Variants in PEX5L observed in about 807,000 individuals in gnomAD.
PEX5L encodes the protein peroxisomal biogenesis factor 5 like.
Under a neutral mutation model 84.0 loss-of-function variants are expected in PEX5L, and 30 were observed. That is an observed-to-expected ratio of 0.36 (90% CI 0.27 to 0.48). PEX5L has a LOEUF of 0.48. Ranked by LOEUF, PEX5L falls within the 20% of genes least tolerant of loss-of-function variation. PEX5L has a pLI of 0.99. For missense variants in PEX5L, 533 were observed against 754.6 expected (o/e 0.71, Z 3.44); for synonymous variants, 270 against 283.1 (o/e 0.95, Z 0.46).
chr3:180,023,769 CACAGAGAGAGAG>C (rs112190642), intron 1 of PEX5L, among the ~76,000 whole-genome samples: 2,480 of 149,406 alleles, frequency 0.017, 99 homozygotes, highest in African/African-American at 0.06. Flanking sequence ...CACGCACACA[CACAGAGAGAGAG>C]AGAGAGAGAG....
In PEX5L at chr3:179,875,440, C is replaced by G; in HGVS notation, c.543G>C (p.Lys181Asn). 6.2e-7 allele frequency: 1 copy of G among 1,607,092 alleles called. No homozygotes were observed. The highest frequency in any genetic ancestry group is 8.5e-7 in the Non-Finnish European group (1 of 1,176,092). The change falls in exon 6 of 15, where the codon AAG becomes AAC. Residue 181 changes from lysine to asparagine, a missense_variant. This residue lies in a region of PEX5L where 259 missense variants were observed against 301.7 expected (regional missense o/e 0.86). Transcript: ENST00000467460. ...QTQLEKWDDV[K>N]FHGDRNTKGH... ...CCTTGGTATTTCGATCTCCATGAAA[C>G]TTAACATCGTCCCATTTTTCCAGTT...
intron 3 of PEX5L, among the ~76,000 whole-genome samples, chr3:179,888,731 CA>C (rs1439671122): frequency 6.6e-6 from 1 of 151,762 alleles, no homozygotes; most frequent in African/African-American, 2.4e-5. Flanking sequence ...AAGAAAAAGA[CA>C]CACCTCATAA....
intron 8 of PEX5L, among the ~76,000 whole-genome samples, chr3:179,837,896 G>A (rs1735585294): frequency 6.6e-6 from 1 of 152,180 alleles, no homozygotes; most frequent in Admixed American, 6.5e-5. Flanking sequence ...AGTTGATTTA[G>A]TTCGTGAGAA....
intron 4 of PEX5L, among the ~76,000 whole-genome samples, chr3:179,884,079 G>T (rs1481992763): frequency 6.6e-6 from 1 of 152,088 alleles, no homozygotes; most frequent in Non-Finnish European, 1.5e-5. Context: ...TGTGAAAAAG[G>T]TATTCTAATT....
At position 179,809,496 on chromosome 3, in the gene PEX5L, G is replaced by T. The variant is rs745973382; in HGVS notation, c.1327C>A (p.Arg443=). The T allele has an allele frequency of 1.2e-6, 2 of 1,613,800 alleles. No individual in the cohort carries two copies. The highest frequency in any genetic ancestry group is 2.2e-5 in the East Asian group (1 of 44,870). Residue 443 remains arginine (R), a synonymous_variant, in exon 12 of 15, where the codon CGG becomes AGG. Coordinates refer to ENST00000467460, the MANE Select transcript of PEX5L (RefSeq NM_016559.3). ...SKKGSPGLTR[R]MSKSPVDSSV... ...CTATCAACTGGGGACTTAGACATCC[G>T]CCGGGTGAGGCCTGGAGATCCCTTC...
chr3:179,968,713 GTGTGTGTGTC>G (rs1469716860), intron 2 of PEX5L, among the ~76,000 whole-genome samples: 1 of 131,886 alleles, frequency 7.6e-6, no homozygotes. Context: ...GTGTGTGTGT[GTGTGTGTGTC>G]TGTGTGTGTC....
At chr3:179,924,724 T>C (rs959127817) in intron 2 of PEX5L, among the ~76,000 whole-genome samples, 1 of 152,204 alleles carries the variant, frequency 6.6e-6, no homozygotes, top group African/African-American at 2.4e-5. Flanking sequence ...CATGGAAATA[T>C]ACTTACCTGC....
Position 180,036,579 on chromosome 3 carries a change from C to T in PEX5L, c.21G>A (p.Gln7=). The stretch of plus-strand genomic sequence containing the variant: ...CTCCAGCCCTATAGAAATGTCTTAC[C>T]TGCATGTGTCCCTGGTACATTCTGC... MYQGHM[Q]KSKEQGYGKL... is the part of the protein sequence containing the mutation. Residue 7 remains glutamine (Q), a splice_region_variant and synonymous_variant, in exon 1 of 15, where the codon CAG becomes CAA. Transcript: ENST00000467460. 1.2e-6 allele frequency: 2 copies of T among 1,614,080 alleles called. No individual in the cohort carries two copies. Among genetic ancestry groups the T allele is most frequent in the Non-Finnish European group, 1.7e-6 (2 of 1,179,886 alleles).
chr3:180,034,291 C>T (rs1487048104), intron 1 of PEX5L, among the ~76,000 whole-genome samples: 1 of 152,182 alleles, frequency 6.6e-6, no homozygotes, highest in Non-Finnish European at 1.5e-5. Flanking sequence ...TTCAAATTAA[C>T]TCCAAAGCTG....
At chr3:180,033,884 T>C (rs1791670211) in intron 1 of PEX5L, among the ~76,000 whole-genome samples, 1 of 152,178 alleles carries the variant, frequency 6.6e-6, no homozygotes, top group Non-Finnish European at 1.5e-5. Flanking sequence ...CCAAGAAATA[T>C]CTGTTACTCT....
chr3:179,877,743 C>T (rs1752880046), intron 5 of PEX5L, among the ~76,000 whole-genome samples: 1 of 152,204 alleles, frequency 6.6e-6, no homozygotes. Context: ...CAGATATGAG[C>T]CACTGCACCC....
chr3:179,847,969 AT>A (rs74271170), intron 8 of PEX5L, among the ~76,000 whole-genome samples: 2,060 of 143,898 alleles, frequency 0.014, 70 homozygotes, highest in East Asian at 0.098. Flanking sequence ...ACGTTTGGGT[AT>A]TTTTTTTTTT....
At chr3:179,911,467 C>T (rs1433620582) in intron 2 of PEX5L, among the ~76,000 whole-genome samples, 1 of 151,946 alleles carries the variant, frequency 6.6e-6, no homozygotes, top group Non-Finnish European at 1.5e-5. Context: ...CTAATAACTG[C>T]CTTACTGACA....
chr3:179,839,400 G>A (rs891081731), intron 8 of PEX5L, among the ~76,000 whole-genome samples: 4 of 152,106 alleles, frequency 2.6e-5, no homozygotes, highest in Non-Finnish European at 4.4e-5. Context: ...GACCCACTTC[G>A]CAGTCAGGCT....
At chr3:179,840,906 G>A (rs1046441941) in intron 8 of PEX5L, among the ~76,000 whole-genome samples, 3 of 152,124 alleles carry the variant, frequency 2.0e-5, no homozygotes, top group Non-Finnish European at 4.4e-5. Context: ...TAGCAGTATC[G>A]GTAGGCAATT....
intron 3 of PEX5L, among the ~76,000 whole-genome samples, chr3:179,894,108 G>A (rs543932037): frequency 1.5e-3 from 222 of 152,132 alleles, no homozygotes; most frequent in Middle Eastern, 3.4e-3. Context: ...TAGGCCTTTA[G>A]TCATAATCTT....
chr3:180,014,547 A>G (rs1355415256), intron 1 of PEX5L, among the ~76,000 whole-genome samples: 1 of 152,200 alleles, frequency 6.6e-6, no homozygotes, highest in Non-Finnish European at 1.5e-5. Flanking sequence ...TAAAACTTAA[A>G]GATAAGCTTA....
chr3:179,983,781 A>T (rs1478555904), intron 1 of PEX5L, among the ~76,000 whole-genome samples: 1 of 152,082 alleles, frequency 6.6e-6, no homozygotes, highest in Non-Finnish European at 1.5e-5. Context: ...AAAATTAGAG[A>T]TTTAGAAACT....
chr3:179,986,377 A>C (rs1786817884), intron 1 of PEX5L, among the ~76,000 whole-genome samples: 5 of 150,516 alleles, frequency 3.3e-5, no homozygotes, highest in African/African-American at 1.2e-4. Flanking sequence ...GAGGAAATGG[A>C]AAGTCCTAAC....
Sources: gnomAD v4.1 joint callset for allele counts (sites outside exome capture counted in the v4.1 genomes callset) on GRCh38, gnomAD v4.1.1 for gene constraint, gnomAD v4.1.1 regional missense constraint, MANE v1.5 for transcripts, NCBI Gene and HGNC (gene_info 2026-07-23, HGNC 2026-07-21) for gene names.